The following CLYBL variants were observed in gnomAD, a reference collection of about 807,000 sequenced individuals.
The protein encoded by CLYBL is citramalyl-CoA lyase, also known as citramalyl-CoA lyase, mitochondrial.
Under a neutral mutation model 38.9 loss-of-function variants are expected in CLYBL, and 31 were observed. That is an observed-to-expected ratio of 0.80 (90% CI 0.60 to 1.08). The LOEUF is 1.08. CLYBL is among the 50% of genes least tolerant of loss of function. CLYBL has a pLI of 0.00. For synonymous variants in CLYBL, 171 were observed against 158.6 expected (o/e 1.08, Z -0.59); for missense variants, 434 against 411.6 (o/e 1.05, Z -0.47).
rs68172402 is a variant in CLYBL, at chr13:99,770,076, C to CTTTTTTTTTTTTT, written c.63-2745_63-2744insTTTTTTTTTTTTT. ...TTTAACTTTTCTTTCTTTTTCTTTT[C>CTTTTTTTTTTTTT]TTTCTTTTTTTTTTTTTTTTTGAGA... On this transcript the variant is annotated intron_variant, in intron 1 of 8. Coordinates refer to ENST00000339105, the MANE Select transcript of CLYBL (RefSeq NM_206808.5). Among the ~76,000 whole-genome samples, 12 of 121,954 alleles carry CTTTTTTTTTTTTT rather than the reference C, an allele frequency of 9.8e-5. 1 individual carries two copies. The highest frequency in any genetic ancestry group is 1.3e-4 in the Non-Finnish European group (7 of 53,204). 80.0% of individuals were successfully genotyped at this position (121,954 alleles called of 152,430 possible).
intron 1 of CLYBL, among the ~76,000 whole-genome samples, chr13:99,615,775 C>T (rs1264148958): frequency 6.6e-6 from 1 of 152,072 alleles, no homozygotes; most frequent in Non-Finnish European, 1.5e-5. Flanking sequence ...CCTTTCTCAC[C>T]CCATCCTCCC....
intron 1 of CLYBL, among the ~76,000 whole-genome samples, chr13:99,669,223 C>T (rs2047529114): frequency 6.6e-6 from 1 of 152,024 alleles, no homozygotes; most frequent in South Asian, 2.1e-4. Context: ...AGGATGCTCT[C>T]GAGCTCTCAA....
In CLYBL at chr13:99,684,035, ATTT is replaced by A. The variant is rs778902077; in HGVS notation, c.62+77294_62+77296del. ...AGGCGCATGCCACCATGCCTGGCTA[ATTT>A]TTTTTTTTTTTTTTTGTATTTTTAA... On this transcript the variant is annotated intron_variant, in intron 1 of 8. Coordinates refer to ENST00000339105, the MANE Select transcript of CLYBL (RefSeq NM_206808.5). Among the ~76,000 whole-genome samples, 538 of 86,378 alleles carry A rather than the reference ATTT, an allele frequency of 6.2e-3. 4 individuals carry two copies. Among genetic ancestry groups the A allele is most frequent in the African/African-American group, 0.023 (514 of 22,392 alleles). The allele number at this position is 86,378 out of a possible 152,430, so 56.7% of individuals were successfully genotyped here. A position where few individuals can be genotyped will look rare whatever the true frequency, so the allele number is the denominator to read the frequency against.
At chr13:99,809,049 C>A (rs1442581179) in intron 2 of CLYBL, among the ~76,000 whole-genome samples, 3 of 152,130 alleles carry the variant, frequency 2.0e-5, no homozygotes, top group African/African-American at 4.8e-5. Context: ...AAAAGAAATT[C>A]TTGAATTTAC....
At chr13:99,613,020 GTGATGATAA>G (rs1332196674) in intron 1 of CLYBL, among the ~76,000 whole-genome samples, 4 of 61,990 alleles carry the variant, frequency 6.5e-5, no homozygotes, top group Non-Finnish European at 1.8e-4. Context: ...ATTAAAAATA[GTGATGATAA>G]TAATAATAAT....
chr13:99,839,718 A>G (rs1297960665), intron 2 of CLYBL, among the ~76,000 whole-genome samples: 1 of 151,974 alleles, frequency 6.6e-6, no homozygotes, highest in East Asian at 1.9e-4. Context: ...AGGTATATAT[A>G]TATTTATGGG....
chr13:99,903,416 TCGCACACGCACA>T (rs1404624622), intron 8 of CLYBL, among the ~76,000 whole-genome samples: 11 of 151,798 alleles, frequency 7.2e-5, no homozygotes, highest in Non-Finnish European at 1.5e-5. Context: ...ACTCACACAC[TCGCACACGCACA>T]CACACATGCA....
intron 7 of CLYBL, among the ~76,000 whole-genome samples, chr13:99,878,825 G>A (rs896097519): frequency 1.1e-4 from 17 of 152,084 alleles, no homozygotes; most frequent in East Asian, 1.9e-4. Flanking sequence ...AAAAGATATC[G>A]AAAACAAAGA....
intron 7 of CLYBL, among the ~76,000 whole-genome samples, chr13:99,874,990 C>T (rs1219152298): frequency 6.6e-6 from 1 of 152,162 alleles, no homozygotes; most frequent in African/African-American, 2.4e-5. Context: ...TATGGCTTTG[C>T]TTCATTTTCA....
rs763910060 is a variant in CLYBL at position 99,826,575 on chromosome 13, TA to T, written c.250-32285del. Among the ~76,000 whole-genome samples, 4 of 152,196 alleles carry T rather than the reference TA, an allele frequency of 2.6e-5. No individual in the cohort carries two copies. In the East Asian group the frequency reaches 7.7e-4, roughly 29 times the overall value. ...AGAAAATGAAACATTTTCTTTTCAC[TA>T]GGAAAACCAACTGTGTTACTGGAAC... On this transcript the variant is annotated intron_variant, in intron 2 of 8. Transcript: ENST00000339105.
At chr13:99,829,709 C>T (rs900185651) in intron 2 of CLYBL, among the ~76,000 whole-genome samples, 1 of 152,178 alleles carries the variant, frequency 6.6e-6, no homozygotes, top group African/African-American at 2.4e-5. Context: ...GTTACGTCAC[C>T]TTTCCTCTAA....
intron 1 of CLYBL, among the ~76,000 whole-genome samples, chr13:99,769,507 A>G (rs2049337522): frequency 6.6e-6 from 1 of 152,222 alleles, no homozygotes; most frequent in African/African-American, 2.4e-5. Flanking sequence ...GGAAATGTAT[A>G]TGTTGCAAAT....
At chr13:99,725,186 T>C (rs2048452597) in intron 1 of CLYBL, among the ~76,000 whole-genome samples, 1 of 152,020 alleles carries the variant, frequency 6.6e-6, no homozygotes, top group African/African-American at 2.4e-5. Context: ...GGGATATCGG[T>C]TTAGGAAAGA....
intron 2 of CLYBL, among the ~76,000 whole-genome samples, chr13:99,797,688 GTTCCACGTGA>G (rs2050051989): frequency 6.6e-6 from 1 of 151,454 alleles, no homozygotes; most frequent in Non-Finnish European, 1.5e-5. Flanking sequence ...CTGCCAATAC[GTTCCACGTGA>G]TTTTGTGGAC....
At chr13:99,711,295 A>G (rs2048226848) in intron 1 of CLYBL, among the ~76,000 whole-genome samples, 1 of 152,070 alleles carries the variant, frequency 6.6e-6, no homozygotes, top group Non-Finnish European at 1.5e-5. Flanking sequence ...AAGATCAGGC[A>G]GTGGCAGGTT....
At chr13:99,782,306 A>G (rs1827706650) in intron 2 of CLYBL, among the ~76,000 whole-genome samples, 1 of 152,170 alleles carries the variant, frequency 6.6e-6, no homozygotes, top group Non-Finnish European at 1.5e-5. Flanking sequence ...CAGGAGTTTG[A>G]GATCAGCCTG....
At chr13:99,823,608 C>T (rs534231460) in intron 2 of CLYBL, among the ~76,000 whole-genome samples, 104 of 152,290 alleles carry the variant, frequency 6.8e-4, no homozygotes, top group African/African-American at 2.4e-3. Flanking sequence ...TAAGGTTCCT[C>T]CTTAAATGTG....
intron 1 of CLYBL, among the ~76,000 whole-genome samples, chr13:99,705,374 A>G (rs1320893827): frequency 6.6e-6 from 1 of 152,170 alleles, no homozygotes; most frequent in Non-Finnish European, 1.5e-5. Flanking sequence ...TGAGGTCAGG[A>G]GTTTAAGACC....
intron 1 of CLYBL, among the ~76,000 whole-genome samples, chr13:99,616,943 G>A (rs1037705862): frequency 6.6e-5 from 10 of 151,888 alleles, no homozygotes; most frequent in South Asian, 4.2e-4. Flanking sequence ...GTGACAGAGC[G>A]CGACTCCGTC....
Sources: gnomAD v4.1 joint callset for allele counts (sites outside exome capture counted in the v4.1 genomes callset) on GRCh38, gnomAD v4.1.1 for gene constraint, MANE v1.5 for transcripts, NCBI Gene and HGNC (gene_info 2026-07-23, HGNC 2026-07-21) for gene names.